ANKRD12: variants seen among roughly 807,000 people sequenced by gnomAD.
ANKRD12 encodes ankyrin repeat domain-containing protein 12.
In ANKRD12, 85 loss-of-function variants were observed where a neutral mutation model predicts 183.4. That is an observed-to-expected ratio of 0.46 (90% CI 0.39 to 0.56). The LOEUF (loss-of-function observed/expected upper bound fraction) is 0.56. Ranked by LOEUF, ANKRD12 falls within the 20% of genes least tolerant of loss-of-function variation. ANKRD12 has a pLI of 0.00. For missense variants in ANKRD12, 2,405 were observed against 2,357.1 expected, an observed-to-expected ratio of 1.02 and a Z score of -0.42; for synonymous variants, 914 against 800.2, an observed-to-expected ratio of 1.14 and a Z score of -2.40.
intron 10 of ANKRD12, among the ~76,000 whole-genome samples, chr18:9,272,200 C>G (rs2039637181): frequency 6.6e-6 from 1 of 152,168 alleles, no homozygotes; most frequent in Admixed American, 6.5e-5. Context: ...TTTAGATTGT[C>G]AGGTAAGCAA....
At chr18:9,248,470 C>G (rs1164165411) in intron 8 of ANKRD12, among the ~76,000 whole-genome samples, 1 of 152,194 alleles carries the variant, frequency 6.6e-6, no homozygotes, top group Non-Finnish European at 1.5e-5. Context: ...CATATACGTT[C>G]TTTAATTTTC....
intron 1 of ANKRD12, among the ~76,000 whole-genome samples, chr18:9,179,726 C>T (rs1054095147): frequency 6.6e-6 from 1 of 152,146 alleles, no homozygotes; most frequent in African/African-American, 2.4e-5. Flanking sequence ...ATGTTGTCCT[C>T]AGGCTGGTCT....
chr18:9,194,942 T>C (rs980520233), intron 2 of ANKRD12, among the ~76,000 whole-genome samples: 3 of 152,140 alleles, frequency 2.0e-5, no homozygotes, highest in African/African-American at 7.2e-5. Context: ...TAAATGCGCA[T>C]CAACAGTAGA....
chr18:9,210,405 A>G (rs2035727000), intron 5 of ANKRD12, among the ~76,000 whole-genome samples: 1 of 152,034 alleles, frequency 6.6e-6, no homozygotes. Flanking sequence ...GGAAACTATT[A>G]CCGAGACAAT....
intron 7 of ANKRD12, 22 bp downstream of exon 7, chr18:9,216,922 C>G (rs772693726): frequency 1.1e-5 from 17 of 1,604,110 alleles, no homozygotes; most frequent in Admixed American, 3.5e-5. Context: ...AGAAAAAAAT[C>G]AATAATACAC....
chr18:9,190,225 G>A (rs1396069317), intron 2 of ANKRD12, among the ~76,000 whole-genome samples: 1 of 152,190 alleles, frequency 6.6e-6, no homozygotes, highest in Non-Finnish European at 1.5e-5. Flanking sequence ...TGAGAATCAA[G>A]TGGAGCCTGA....
chr18:9,158,613 T>G (rs1244875386), intron 1 of ANKRD12, among the ~76,000 whole-genome samples: 1 of 152,230 alleles, frequency 6.6e-6, no homozygotes, highest in East Asian at 1.9e-4. Flanking sequence ...TCAACATGAC[T>G]TAGCACTATT....
At chr18:9,245,377 G>C (rs2037901041) in intron 8 of ANKRD12, among the ~76,000 whole-genome samples, 1 of 152,040 alleles carries the variant, frequency 6.6e-6, no homozygotes. Context: ...CTTGAGCCCA[G>C]GAGGTTGAGG....
At chr18:9,158,698 C>T (rs183010533) in intron 1 of ANKRD12, among the ~76,000 whole-genome samples, 140 of 152,200 alleles carry the variant, frequency 9.2e-4, no homozygotes, top group Admixed American at 1.7e-3. Flanking sequence ...CTTTTTTTCT[C>T]CTCTTTCCAT....
chr18:9,156,143 A>AAAG, intron 1 of ANKRD12, among the ~76,000 whole-genome samples: 1 of 150,948 alleles, frequency 6.6e-6, no homozygotes, highest in South Asian at 2.1e-4. Context: ...GTCTCAAAAA[A>AAAG]AAAAAAAAAA....
In ANKRD12 at chr18:9,216,611, T is replaced by A. The variant is rs572940333; in HGVS notation, c.653-147T>A. ...TTCAGTAAATTGATATTGTTCTTAT[T>A]TATTTTTAGTAGCTTCTTCATCACT... is the stretch of plus-strand genomic sequence containing the variant. On this transcript the variant is annotated intron_variant, in intron 6 of 12. Coordinates refer to ENST00000262126, the MANE Select transcript of ANKRD12 (RefSeq NM_015208.5). 7 of 727,398 alleles carry A rather than the reference T, an allele frequency of 9.6e-6. No homozygotes were observed. The South Asian group carries it at 1.4e-4, about 15-fold the overall frequency. 45.1% of individuals were successfully genotyped at this position (727,398 alleles called of 1,614,324 possible). A position where few individuals can be genotyped will look rare whatever the true frequency, so the allele number is the denominator to read the frequency against.
Position 9,221,881 on chromosome 18 carries a change from A to G in ANKRD12, c.825A>G (p.Gly275=). The G allele has an allele frequency of 6.2e-7, 1 of 1,613,930 alleles. No homozygotes were observed. The highest frequency in any genetic ancestry group is 8.5e-7 in the Non-Finnish European group (1 of 1,179,900). ...DIVKLLLRHG[G]NPFQANKHGE... The stretch of plus-strand genomic sequence containing the variant: ...TAAAGCTGTTACTTCGTCACGGTGG[A>G]AATCCATTTCAAGCTAATAAACATG... The change falls in exon 8 of 13, where the codon GGA becomes GGG. Residue 275 remains glycine, a synonymous_variant. Transcript: ENST00000262126.
rs1291032414 is a variant in ANKRD12 at position 9,266,676 on chromosome 18, AGAC to A, written c.5763+2789_5763+2791del. Among the ~76,000 whole-genome samples the A allele has an allele frequency of 1.3e-4, 20 of 152,376 alleles. No homozygotes were observed. The East Asian group carries it at 3.9e-3, about 29-fold the overall frequency. ...ACTGCAAAAACATGCCAAATTGTAA[AGAC>A]CATCAATGCTAGGAAGAAATTGCAT... On this transcript the variant is annotated intron_variant, in intron 10 of 12. Transcript: ENST00000262126.
At chr18:9,139,847 A>G (rs2078256956) in intron 1 of ANKRD12, among the ~76,000 whole-genome samples, 1 of 152,194 alleles carries the variant, frequency 6.6e-6, no homozygotes, top group Non-Finnish European at 1.5e-5. Flanking sequence ...TTTACACATG[A>G]GAAAATAAGG....
rs78405962 is a variant in ANKRD12 at position 9,160,623 on chromosome 18, C to T, written c.-51-21759C>T. The stretch of plus-strand genomic sequence containing the variant: ...TTTTTATCACTCTACTCAGATACTC[C>T]GATTCAGTAGCTCTGAAAATGAAGC... On this transcript the variant is annotated intron_variant, in intron 1 of 12. Coordinates refer to ENST00000262126, the MANE Select transcript of ANKRD12 (RefSeq NM_015208.5). Among the ~76,000 whole-genome samples the T allele has an allele frequency of 1.3e-3, 202 of 152,240 alleles. 1 individual carries two copies. Among genetic ancestry groups the T allele is most frequent in the African/African-American group, 4.4e-3 (183 of 41,560 alleles).
chr18:9,280,477 C>CA (rs2040059830), intron 12 of ANKRD12, among the ~76,000 whole-genome samples: 2 of 152,082 alleles, frequency 1.3e-5, no homozygotes, highest in Admixed American at 6.5e-5. Flanking sequence ...TATGTGTGTA[C>CA]AAACAGGATA....
At chr18:9,156,756 G>A (rs2030525282) in intron 1 of ANKRD12, among the ~76,000 whole-genome samples, 1 of 152,144 alleles carries the variant, frequency 6.6e-6, no homozygotes, top group African/African-American at 2.4e-5. Flanking sequence ...TACGTAAATG[G>A]AATATTACTC....
rs1471736924 is a variant in ANKRD12 at position 9,258,333 on chromosome 18, A to C, written c.5066A>C (p.Gln1689Pro). The C allele has an allele frequency of 2.5e-6, 4 of 1,613,716 alleles. No individual in the cohort carries two copies. The highest frequency in any genetic ancestry group is 2.2e-5 in the East Asian group (1 of 44,868). ...LLSIEDEESQ[Q>P]SILSSLENHS... ...TCCATAGAAGATGAGGAATCTCAAC[A>C]AAGCATTTTATCAAGTCTGGAAAAC... Residue 1689 changes from glutamine to proline, a missense_variant, in exon 9 of 13, where the codon CAA becomes CCA. Coordinates refer to ENST00000262126, the MANE Select transcript of ANKRD12 (RefSeq NM_015208.5).
intron 8 of ANKRD12, among the ~76,000 whole-genome samples, chr18:9,242,039 G>A (rs1030839191): frequency 1.3e-5 from 2 of 151,450 alleles, no homozygotes; most frequent in African/African-American, 2.4e-5. Flanking sequence ...TTGCACATAT[G>A]TATATATATA....
Sources: allele counts gnomAD v4.1 joint callset (sites outside exome capture counted in the v4.1 genomes callset), GRCh38; gene constraint gnomAD v4.1.1; transcripts MANE v1.5; gene names NCBI Gene and HGNC (gene_info 2026-07-23, HGNC 2026-07-21).